The following CPE variants were observed in gnomAD, a reference collection of about 807,000 sequenced individuals.
CPE encodes the protein carboxypeptidase E, also known as carbocypeptidase E.
A neutral mutation model predicts 53.5 loss-of-function variants in CPE; 17 were observed. The observed-to-expected ratio is 0.32, with a 90% CI of 0.22 to 0.48. CPE has a LOEUF of 0.48. Ranked by LOEUF, CPE falls within the 20% of genes least tolerant of loss-of-function variation. CPE has a pLI of 0.99. For missense variants in CPE, 524 were observed against 614.7 expected, an observed-to-expected ratio of 0.85 and a Z score of 1.56; for synonymous variants, 226 against 228.8, an observed-to-expected ratio of 0.99 and a Z score of 0.11.
At chr4:165,432,278 T>C (rs1208072992) in intron 1 of CPE, among the ~76,000 whole-genome samples, 1 of 152,098 alleles carries the variant, frequency 6.6e-6, no homozygotes, top group East Asian at 1.9e-4. Flanking sequence ...CTGAAAAGAA[T>C]TGCAGGATTT....
At chr4:165,441,124 G>A (rs1731602691) in intron 1 of CPE, among the ~76,000 whole-genome samples, 2 of 152,116 alleles carry the variant, frequency 1.3e-5, no homozygotes, top group East Asian at 1.9e-4. Flanking sequence ...CCACATGTTT[G>A]GGTTTGCTCA....
At chr4:165,486,717 C>A (rs561369236) in intron 5 of CPE, among the ~76,000 whole-genome samples, 1 of 152,186 alleles carries the variant, frequency 6.6e-6, no homozygotes, top group Admixed American at 6.5e-5. Context: ...GCCCCCCTAC[C>A]CCATTTTGTC....
At chr4:165,436,191 TACACACAC>T (rs35269093) in intron 1 of CPE, among the ~76,000 whole-genome samples, 3 of 149,296 alleles carry the variant, frequency 2.0e-5, no homozygotes, top group African/African-American at 7.4e-5. Context: ...CCAGCACACA[TACACACAC>T]ACACACACAC....
chr4:165,447,680 T>C (rs967510934), intron 1 of CPE, among the ~76,000 whole-genome samples: 2 of 152,136 alleles, frequency 1.3e-5, no homozygotes, highest in Non-Finnish European at 2.9e-5. Flanking sequence ...ATTTAAAATT[T>C]TTTGACTCTT....
chr4:165,380,474 G>C (rs113275378), intron 1 of CPE, among the ~76,000 whole-genome samples: 7 of 152,158 alleles, frequency 4.6e-5, no homozygotes, highest in African/African-American at 1.2e-4. Flanking sequence ...GACTTTTTTC[G>C]TTATGTTTCT....
At chr4:165,450,521 C>G (rs1174085819) in intron 1 of CPE, among the ~76,000 whole-genome samples, 1 of 152,104 alleles carries the variant, frequency 6.6e-6, no homozygotes, top group African/African-American at 2.4e-5. Context: ...AGTGCATATC[C>G]TATAAGATCC....
At chr4:165,409,512 G>A (rs11731822) in intron 1 of CPE, among the ~76,000 whole-genome samples, 39,128 of 152,026 alleles carry the variant, frequency 0.26, 5,269 homozygotes, top group Middle Eastern at 0.38. Flanking sequence ...CTCCACTCAT[G>A]CTTATATCCC....
At chr4:165,469,121 G>T (rs1390062715) in intron 3 of CPE, among the ~76,000 whole-genome samples, 1 of 152,168 alleles carries the variant, frequency 6.6e-6, no homozygotes, top group Non-Finnish European at 1.5e-5. Context: ...GGTACTCTCT[G>T]TTATGTAGCT....
chr4:165,472,274 A>T lies in CPE; in HGVS notation c.672+4419A>T, dbSNP rs574349251. ...TCTATTCTAATGTTACAATCTTTAAAGTTATCAGCAACCTGCATTCAAGAG... is the reference window on the plus strand; with the variant it reads ...TCTATTCTAATGTTACAATCTTTAATGTTATCAGCAACCTGCATTCAAGAG... On this transcript the variant is annotated intron_variant, in intron 3 of 8. Coordinates refer to ENST00000402744, the MANE Select transcript of CPE (RefSeq NM_001873.4). 3.3e-5 allele frequency among the ~76,000 whole-genome samples: 5 copies of T among 152,316 alleles called. No individual in the cohort carries two copies. The South Asian group carries it at 1.0e-3, about 32-fold the overall frequency.
intron 1 of CPE, among the ~76,000 whole-genome samples, chr4:165,418,624 G>A (rs912897099): frequency 1.3e-5 from 2 of 152,256 alleles, no homozygotes; most frequent in Middle Eastern, 3.4e-3. Context: ...ATTATAAAAC[G>A]TGTTTTGTTT....
intron 1 of CPE, among the ~76,000 whole-genome samples, chr4:165,413,865 C>A (rs1428142899): frequency 6.6e-6 from 1 of 152,122 alleles, no homozygotes; most frequent in Non-Finnish European, 1.5e-5. Context: ...AATGTTTAGT[C>A]AAAGGTCTTC....
At chr4:165,474,415 T>C (rs1184498802) in intron 3 of CPE, among the ~76,000 whole-genome samples, 1 of 152,060 alleles carries the variant, frequency 6.6e-6, no homozygotes, top group Admixed American at 6.5e-5. Flanking sequence ...TATCCTGTGG[T>C]ATAGAGACAT....
chr4:165,447,826 TA>T (rs1192265823), intron 1 of CPE, among the ~76,000 whole-genome samples: 1 of 152,000 alleles, frequency 6.6e-6, no homozygotes, highest in African/African-American at 2.4e-5. Context: ...ATTCTTTTTT[TA>T]AAAAAACAAG....
chr4:165,493,224 G>C lies in CPE; in HGVS notation c.1167G>C (p.Ala389=), dbSNP rs988153629. Residue 389 remains alanine (A), a synonymous_variant, in exon 7 of 9, where the codon GCG becomes GCC. Coordinates refer to ENST00000402744, the MANE Select transcript of CPE (RefSeq NM_001873.4). The part of the protein sequence containing the change: ...FVRDLQGNPI[A]NATISVEGID... ...GAGACCTTCAAGGTAACCCAATTGCGAATGCCACCATCTCCGTGGAAGGAA... is the reference window on the plus strand; with the variant it reads ...GAGACCTTCAAGGTAACCCAATTGCCAATGCCACCATCTCCGTGGAAGGAA... The C allele has an allele frequency of 6.2e-7, 1 of 1,614,062 alleles. No individual in the cohort carries two copies. The highest frequency in any genetic ancestry group is 1.3e-5 in the African/African-American group (1 of 75,034).
Position 165,379,486 on chromosome 4 carries a change from C to T in CPE, c.265C>T (p.Leu89=), listed in dbSNP as rs922262796. Residue 89 remains leucine (L), a synonymous_variant, in exon 1 of 9, where the codon CTG becomes TTG. Transcript: ENST00000402744. The surrounding 1 kb of genome is among the most constrained non-coding windows in gnomAD (Gnocchi z 6.0). ...VGRSFEGREL[L]VIELSDNPGV... ...GCGCAGCTTCGAGGGCCGGGAGCTC[C>T]TGGTCATCGAGCTGTCCGACAACCC... 2 of 1,602,244 alleles carry T rather than the reference C, an allele frequency of 1.2e-6. No homozygotes were observed. Among genetic ancestry groups the T allele is most frequent in the African/African-American group, 2.7e-5 (2 of 74,704 alleles).
At chr4:165,457,531 A>G (rs535505847) in intron 1 of CPE, among the ~76,000 whole-genome samples, 1 of 152,220 alleles carries the variant, frequency 6.6e-6, no homozygotes. Flanking sequence ...CTTAGTAGAG[A>G]TATTTTAGAT....
intron 1 of CPE, among the ~76,000 whole-genome samples, chr4:165,459,397 C>G (rs1273007821): frequency 2.0e-5 from 3 of 152,096 alleles, no homozygotes; most frequent in African/African-American, 7.2e-5. Context: ...CCCAGCCAGG[C>G]TGGATTTGGT....
intron 1 of CPE, among the ~76,000 whole-genome samples, chr4:165,450,088 A>G (rs1017098715): frequency 1.3e-5 from 2 of 148,814 alleles, no homozygotes; most frequent in Admixed American, 6.7e-5. Context: ...AGTGTTTAGT[A>G]ACTGTCTTTA....
chr4:165,382,265 G>GTAGGTCA (rs1288165383), intron 1 of CPE, among the ~76,000 whole-genome samples: 37 of 152,022 alleles, frequency 2.4e-4, no homozygotes, highest in Admixed American at 7.2e-4. Flanking sequence ...ACAAAAGACA[G>GTAGGTCA]GAAATGTACA....
Sources: allele counts gnomAD v4.1 joint callset (sites outside exome capture counted in the v4.1 genomes callset), GRCh38; gene constraint gnomAD v4.1.1; non-coding constraint Gnocchi (gnomAD v3.1); transcripts MANE v1.5; gene names NCBI Gene and HGNC (gene_info 2026-07-23, HGNC 2026-07-21).